NACC2: variants seen among roughly 807,000 people sequenced by gnomAD.
NACC2 encodes the protein nucleus accumbens-associated protein 2.
NACC2 carries 8 observed loss-of-function variants against 25.1 expected under a neutral mutation model. That is an observed-to-expected ratio of 0.32 (90% CI 0.19 to 0.57). NACC2 has a LOEUF of 0.57. Ranked by LOEUF, NACC2 falls within the 20% of genes least tolerant of loss-of-function variation. NACC2 has a pLI of 0.89. For missense variants in NACC2, 644 were observed against 650.2 expected (o/e 0.99, Z 0.10); for synonymous variants, 435 against 294.7 (o/e 1.48, Z -4.88).
At chr9:136,017,211 C>A (rs1198565408) in intron 2 of NACC2, among the ~76,000 whole-genome samples, 1 of 152,176 alleles carries the variant, frequency 6.6e-6, no homozygotes, top group East Asian at 1.9e-4. Flanking sequence ...AGGCGCCCTG[C>A]ATCCTCAGGA....
At position 136,013,121 on chromosome 9, in the gene NACC2, G is replaced by A. The variant is rs1840138445; in HGVS notation, c.1255+78C>T. On this transcript the variant is annotated intron_variant, in intron 5 of 5. Coordinates refer to ENST00000277554, the MANE Select transcript of NACC2 (RefSeq NM_144653.5). The surrounding 1 kb of genome is among the most constrained non-coding windows in gnomAD (Gnocchi z 6.6). ...TGCAGGTGGCCGGGAGCACCCCCGC[G>A]GCCCACCCAGTCCTCCTCAGGCTGG... 2.2e-5 allele frequency: 29 copies of A among 1,306,950 alleles called. No individual in the cohort carries two copies. Among genetic ancestry groups the A allele is most frequent in the Middle Eastern group, 2.4e-4 (1 of 4,218 alleles). The allele number at this position is 1,306,950 out of a possible 1,614,324, so 81.0% of individuals were successfully genotyped here. A position where few individuals can be genotyped will look rare whatever the true frequency, so the allele number is the denominator to read the frequency against.
chr9:136,016,053 G>A (rs188279015), intron 3 of NACC2, among the ~76,000 whole-genome samples: 193 of 152,264 alleles, frequency 1.3e-3, no homozygotes, highest in African/African-American at 4.5e-3. Flanking sequence ...TCAGGAATGC[G>A]ACCAGCCCAG....
At chr9:136,048,367 G>A (rs925058868) in intron 2 of NACC2, among the ~76,000 whole-genome samples, 327 of 152,336 alleles carry the variant, frequency 2.1e-3, no homozygotes, top group African/African-American at 5.5e-3. Flanking sequence ...CATCCTGTAC[G>A]GCCTCTGTGG....
At chr9:136,081,957 C>CA (rs1333986213) in intron 1 of NACC2, among the ~76,000 whole-genome samples, 6 of 152,164 alleles carry the variant, frequency 3.9e-5, no homozygotes, top group African/African-American at 1.4e-4. Flanking sequence ...CTGCAGAACT[C>CA]AGAGATCAGG....
chr9:136,061,532 G>T (rs1841010105), intron 1 of NACC2, among the ~76,000 whole-genome samples: 1 of 152,216 alleles, frequency 6.6e-6, no homozygotes. Context: ...GTAGGGGAAG[G>T]CGGATGGATG....
chr9:136,041,546 C>A (rs1290811207), intron 2 of NACC2, among the ~76,000 whole-genome samples: 1 of 151,008 alleles, frequency 6.6e-6, no homozygotes, highest in Non-Finnish European at 1.5e-5. Context: ...CCAAAGTGCC[C>A]AGAATAGGAA....
At chr9:136,089,771 C>CT (rs397789617) in intron 1 of NACC2, among the ~76,000 whole-genome samples, 8,374 of 145,700 alleles carry the variant, frequency 0.057, 399 homozygotes, top group African/African-American at 0.14. Flanking sequence ...TTCTTAAAAG[C>CT]TTTTTTTTTT....
intron 1 of NACC2, among the ~76,000 whole-genome samples, chr9:136,052,943 G>C (rs970604506): frequency 6.6e-6 from 1 of 152,232 alleles, no homozygotes; most frequent in African/African-American, 2.4e-5. Context: ...CTCTGCGTGG[G>C]GCCCTGAGGC....
intron 2 of NACC2, among the ~76,000 whole-genome samples, chr9:136,040,062 C>T (rs1389382712): frequency 6.6e-6 from 1 of 152,098 alleles, no homozygotes; most frequent in Non-Finnish European, 1.5e-5. Context: ...CAACTTTATT[C>T]CAGCTGGGCA....
At chr9:136,061,929 G>A (rs1348490259) in intron 1 of NACC2, among the ~76,000 whole-genome samples, 1 of 152,162 alleles carries the variant, frequency 6.6e-6, no homozygotes, top group Non-Finnish European at 1.5e-5. Context: ...AGACTAGCCT[G>A]GCCACCATGG....
At chr9:136,088,177 G>C (rs1377945841) in intron 1 of NACC2, among the ~76,000 whole-genome samples, 1 of 152,210 alleles carries the variant, frequency 6.6e-6, no homozygotes, top group Non-Finnish European at 1.5e-5. Context: ...AGGGTCAGCG[G>C]AATTTTGCTC....
chr9:136,074,308 C>T (rs1473036837), intron 1 of NACC2, among the ~76,000 whole-genome samples: 1 of 148,438 alleles, frequency 6.7e-6, no homozygotes, highest in African/African-American at 2.5e-5. Context: ...AAAAAATTAG[C>T]CGGGCATGGT....
intron 2 of NACC2, among the ~76,000 whole-genome samples, chr9:136,037,442 C>T (rs1466461515): frequency 1.3e-5 from 2 of 151,836 alleles, no homozygotes; most frequent in African/African-American, 2.4e-5. Flanking sequence ...TTACTAATTA[C>T]TCATTAGTAA....
In NACC2 at chr9:136,053,276, C is replaced by A. The variant is rs909721889; in HGVS notation, c.-59-2696G>T. 1.1e-4 allele frequency among the ~76,000 whole-genome samples: 16 copies of A among 152,322 alleles called. No homozygotes were observed. The South Asian group carries it at 2.9e-3, about 28-fold the overall frequency. On this transcript the variant is annotated intron_variant, in intron 1 of 5. Transcript: ENST00000277554. ...ATGGGCTCAGCTTCTCCAGACCAGA[C>A]AAAAAGCCACTGAATGGGGACGGGA... is the stretch of plus-strand genomic sequence containing the variant.
chr9:136,062,111 GCGAGA>G (rs1841018998), intron 1 of NACC2, among the ~76,000 whole-genome samples: 1 of 131,346 alleles, frequency 7.6e-6, no homozygotes, highest in African/African-American at 3.0e-5. Flanking sequence ...GGGCAACAGA[GCGAGA>G]CAGGACAGGA....
rs58484124 is a variant in NACC2, at chr9:136,034,870, G to C, written c.886+14766C>G. Among the ~76,000 whole-genome samples, 5 of 152,224 alleles carry C rather than the reference G, an allele frequency of 3.3e-5. No individual in the cohort carries two copies. The East Asian group carries it at 9.7e-4, about 29-fold the overall frequency. On this transcript the variant is annotated intron_variant, in intron 2 of 5. Coordinates refer to ENST00000277554, the MANE Select transcript of NACC2 (RefSeq NM_144653.5). ...GCATTTTGGAAGGCACTGGCGGGCC[G>C]ATCACCTGAGGTCAGGAGTTTAGGA...
chr9:136,068,067 T>C (rs994902497), intron 1 of NACC2, among the ~76,000 whole-genome samples: 9 of 152,202 alleles, frequency 5.9e-5, no homozygotes, highest in Non-Finnish European at 8.8e-5. Context: ...TTATCATGAA[T>C]GGAACTTGCG....
At chr9:136,034,371 G>A (rs921187009) in intron 2 of NACC2, among the ~76,000 whole-genome samples, 7 of 152,038 alleles carry the variant, frequency 4.6e-5, no homozygotes, top group Non-Finnish European at 1.0e-4. Flanking sequence ...AGAAAAATAG[G>A]AAGAGAAAAA....
At chr9:136,087,760 C>T (rs1227083018) in intron 1 of NACC2, among the ~76,000 whole-genome samples, 2 of 152,208 alleles carry the variant, frequency 1.3e-5, no homozygotes, top group Non-Finnish European at 2.9e-5. Flanking sequence ...GCTCTCCAAC[C>T]CTGGAAGTGG....
Sources: gnomAD v4.1 joint callset for allele counts (sites outside exome capture counted in the v4.1 genomes callset) on GRCh38, gnomAD v4.1.1 for gene constraint, Gnocchi (gnomAD v3.1) non-coding constraint, MANE v1.5 for transcripts, NCBI Gene and HGNC (gene_info 2026-07-23, HGNC 2026-07-21) for gene names.